Variants in DNAAF9 observed in about 807,000 individuals in gnomAD.
The protein encoded by DNAAF9 is dynein axonemal assembly factor 9.
DNAAF9 carries 90 observed loss-of-function variants against 167.0 expected under a neutral mutation model. The observed-to-expected ratio is 0.54, with a 90% CI of 0.45 to 0.64. The LOEUF (loss-of-function observed/expected upper bound fraction) is 0.64, where lower values mean the gene tolerates loss of function less well. Among genes scored for constraint, DNAAF9 ranks in the 30% least tolerant of loss-of-function variants. The probability of loss-of-function intolerance (pLI) is 0.00; values close to 1 mark genes in which losing one functional copy is unlikely to be tolerated. For missense variants in DNAAF9, 1,315 were observed against 1,442.2 expected (o/e 0.91, Z 1.43); for synonymous variants, 491 against 508.8 (o/e 0.96, Z 0.47).
intron 8 of DNAAF9, among the ~76,000 whole-genome samples, chr20:3,345,060 C>T (rs1650541938): frequency 6.6e-6 from 1 of 151,954 alleles, no homozygotes; most frequent in Admixed American, 6.6e-5. Flanking sequence ...CTCTTGTTGC[C>T]CAGGCTGGAG....
At chr20:3,322,284 A>G in intron 15 of DNAAF9, 22 bp from the exon 16 acceptor site, 2 of 1,578,100 alleles carry the variant, frequency 1.3e-6, no homozygotes, top group Middle Eastern at 3.3e-4. Context: ...AAGAGATGGA[A>G]GACTATGTTA....
intron 23 of DNAAF9, chr20:3,295,622 G>A (rs1463748797): frequency 2.5e-5 from 11 of 442,354 alleles, no homozygotes; most frequent in Non-Finnish European, 5.0e-5. Context: ...GACTGAGAGG[G>A]AGCGTGAGGA....
chr20:3,259,580 TC>T (rs1245036605), intron 32 of DNAAF9, 26 bp from the exon 33 acceptor site: 1 of 1,547,086 alleles, frequency 6.5e-7, no homozygotes, highest in South Asian at 1.1e-5. Flanking sequence ...GACAGCGCTG[TC>T]ACCCACATGG....
chr20:3,297,540 T>G (rs953336850), intron 22 of DNAAF9, among the ~76,000 whole-genome samples: 3 of 152,206 alleles, frequency 2.0e-5, no homozygotes, highest in African/African-American at 7.2e-5. Context: ...GGCCATCAGT[T>G]TGGCTTTGGC....
chr20:3,293,292 C>CAAAAAAAAAAAA (rs1172725572), intron 25 of DNAAF9, among the ~76,000 whole-genome samples: 1 of 22,872 alleles, frequency 4.4e-5, no homozygotes, highest in East Asian at 1.6e-3. Context: ...GACTCCGTCT[C>CAAAAAAAAAAAA]AAAAAAAAAA....
intron 7 of DNAAF9, among the ~76,000 whole-genome samples, chr20:3,349,218 AC>A (rs1226457544): frequency 6.8e-5 from 10 of 147,646 alleles, no homozygotes; most frequent in Non-Finnish European, 6.0e-5. Flanking sequence ...AAAAAAAAAA[AC>A]ACCATGAAAA....
rs34461289 is a variant in DNAAF9, at chr20:3,336,882, CT to C, written c.981+3621del. Among the ~76,000 whole-genome samples, 1,221 of 133,866 alleles carry C rather than the reference CT, an allele frequency of 9.1e-3. 13 individuals carry two copies. The highest frequency in any genetic ancestry group is 0.029 in the African/African-American group (1,050 of 36,400). The allele number at this position is 133,866 out of a possible 152,430, so 87.8% of individuals were successfully genotyped here. A position where few individuals can be genotyped will look rare whatever the true frequency, so the allele number is the denominator to read the frequency against. The stretch of plus-strand genomic sequence containing the variant: ...AAATCTCAATTTGGTTTTCCTTTTT[CT>C]TTTTTTTTTTTTTTTGAGATGGAGT... On this transcript the variant is annotated intron_variant, in intron 10 of 36. Coordinates refer to ENST00000252032, the MANE Select transcript of DNAAF9 (RefSeq NM_001009984.3).
chr20:3,369,868 T>C (rs918427684), intron 6 of DNAAF9, among the ~76,000 whole-genome samples: 4 of 152,202 alleles, frequency 2.6e-5, no homozygotes, highest in Non-Finnish European at 5.9e-5. Context: ...ACTTGTCCTA[T>C]GGTTGACAAA....
chr20:3,296,035 T>C, intron 23 of DNAAF9: 1 of 1,043,878 alleles, frequency 9.6e-7, no homozygotes, highest in Non-Finnish European at 1.5e-6. Flanking sequence ...GCTGAAATTT[T>C]CCACCCTGGT....
At chr20:3,277,544 A>C (rs977235520) in intron 29 of DNAAF9, among the ~76,000 whole-genome samples, 1 of 151,964 alleles carries the variant, frequency 6.6e-6, no homozygotes, top group South Asian at 2.1e-4. Context: ...TTCTATTTGA[A>C]GGACAGGTAC....
chr20:3,324,744 T>TAAGAGAATCATAATGAATCTAAGA (rs1179915610), intron 14 of DNAAF9, 148 bp downstream of exon 14: 11 of 620,112 alleles, frequency 1.8e-5, no homozygotes, highest in African/African-American at 1.7e-4. Context: ...AAGTGAAGGC[T>TAAGAGAATCATAATGAATCTAAGA]GAATCATGAA....
At chr20:3,322,172 C>G in intron 16 of DNAAF9, 45 bp downstream of exon 16, 1 of 1,496,188 alleles carries the variant, frequency 6.7e-7, no homozygotes, top group Non-Finnish European at 9.3e-7. Context: ...AGATGTCCCT[C>G]TACAGGCCAT....
chr20:3,357,616 C>T (rs1323719793), intron 7 of DNAAF9, among the ~76,000 whole-genome samples: 1 of 131,104 alleles, frequency 7.6e-6, no homozygotes, highest in African/African-American at 2.8e-5. Context: ...ATCCCTCCTT[C>T]CTCACCCATC....
rs926568575 is a variant in DNAAF9, at chr20:3,259,613, C to A, written c.2981-59G>T. On this transcript the variant is annotated intron_variant, in intron 32 of 36. Transcript: ENST00000252032. ...ATGGAGGCACAGGCCAAATTCAGGA[C>A]AGCACAGCTGGGAGTTTTAGGGACT... The A allele has an allele frequency of 5.8e-6, 7 of 1,210,794 alleles. No homozygotes were observed. The South Asian group carries it at 7.2e-5, about 13-fold the overall frequency. 75.0% of individuals were successfully genotyped at this position (1,210,794 alleles called of 1,614,324 possible).
At chr20:3,260,170 T>C in intron 31 of DNAAF9, 142 bp from the exon 32 acceptor site, 1 of 501,740 alleles carries the variant, frequency 2.0e-6, no homozygotes, top group Non-Finnish European at 3.6e-6. Flanking sequence ...AAACCCCGTC[T>C]CTACTAAAAA....
chr20:3,263,985 G>T (rs2068440168), intron 31 of DNAAF9, among the ~76,000 whole-genome samples: 2 of 152,192 alleles, frequency 1.3e-5, no homozygotes, highest in Non-Finnish European at 2.9e-5. Context: ...TTCTCCTCTG[G>T]AGAGGTCCAC....
chr20:3,352,517 A>G (rs908896326), intron 7 of DNAAF9, among the ~76,000 whole-genome samples: 1 of 127,650 alleles, frequency 7.8e-6, no homozygotes, highest in Non-Finnish European at 1.8e-5. Context: ...GTTGGCTGTC[A>G]TTCACATTCC....
chr20:3,251,375 A>C lies in DNAAF9; in HGVS notation c.*1197T>G, dbSNP rs1478786090. On this transcript the variant is annotated 3_prime_UTR_variant, in exon 37 of 37. Coordinates refer to ENST00000252032, the MANE Select transcript of DNAAF9 (RefSeq NM_001009984.3). ...AATATGTGAAATTCAGAAAACATTT[A>C]CAGTTCAGGCAGCTGAGGCACTGAA... 1 of 152,152 alleles carries C rather than the reference A, an allele frequency of 6.6e-6. No homozygotes were observed. Among genetic ancestry groups the C allele is most frequent in the Admixed American group, 6.5e-5 (1 of 15,278 alleles). The allele number at this position is 152,152 out of a possible 1,614,324, so 9.4% of individuals were successfully genotyped here.
chr20:3,286,047 G>A (rs2068848383), intron 27 of DNAAF9, among the ~76,000 whole-genome samples: 1 of 152,064 alleles, frequency 6.6e-6, no homozygotes, highest in Non-Finnish European at 1.5e-5. Flanking sequence ...CTTAATATGA[G>A]AAGCATCTGG....
Sources: allele counts gnomAD v4.1 joint callset (sites outside exome capture counted in the v4.1 genomes callset), GRCh38; gene constraint gnomAD v4.1.1; transcripts MANE v1.5; gene names NCBI Gene and HGNC (gene_info 2026-07-23, HGNC 2026-07-21).